Variants in ROR1 observed in about 807,000 individuals in gnomAD.
ROR1 encodes ROR family WNT receptor 1, also known as inactive tyrosine-protein kinase transmembrane receptor ROR1.
Under a neutral mutation model 78.8 loss-of-function variants are expected in ROR1, and 19 were observed. That is an observed-to-expected ratio of 0.24 (90% CI 0.17 to 0.35). The LOEUF (loss-of-function observed/expected upper bound fraction) is 0.35, where lower values mean the gene tolerates loss of function less well. Ranked by LOEUF, ROR1 falls within the 10% of genes least tolerant of loss-of-function variation. ROR1 has a pLI of 1.00. For missense variants in ROR1, 917 were observed against 1,177.8 expected, an observed-to-expected ratio of 0.78 and a Z score of 3.24; for synonymous variants, 386 against 433.6, an observed-to-expected ratio of 0.89 and a Z score of 1.36.
At chr1:63,830,908 C>T (rs950753230) in intron 1 of ROR1, among the ~76,000 whole-genome samples, 4 of 152,210 alleles carry the variant, frequency 2.6e-5, no homozygotes, top group African/African-American at 7.2e-5. Flanking sequence ...TGTTCCCATT[C>T]CGAATAGGAG....
intron 1 of ROR1, among the ~76,000 whole-genome samples, chr1:63,854,899 A>G (rs1645138793): frequency 6.6e-6 from 1 of 152,196 alleles, no homozygotes; most frequent in Non-Finnish European, 1.5e-5. Flanking sequence ...TGTATACTTT[A>G]AATTATCTCT....
intron 8 of ROR1, among the ~76,000 whole-genome samples, chr1:64,165,483 G>A (rs1650060262): frequency 6.6e-6 from 1 of 151,986 alleles, no homozygotes; most frequent in Non-Finnish European, 1.5e-5. Context: ...CGGATGCATA[G>A]TTTGCAAAAT....
At chr1:63,897,393 T>G (rs1645448913) in intron 1 of ROR1, among the ~76,000 whole-genome samples, 5 of 152,140 alleles carry the variant, frequency 3.3e-5, no homozygotes, top group Admixed American at 3.3e-4. Flanking sequence ...CCATGAGACA[T>G]CTCCCTATCT....
intron 1 of ROR1, among the ~76,000 whole-genome samples, chr1:63,790,181 C>T (rs1175466181): frequency 1.3e-5 from 2 of 152,208 alleles, no homozygotes; most frequent in East Asian, 3.8e-4. Flanking sequence ...GGGATCTTCT[C>T]TATCACTGGG....
At chr1:64,153,253 T>TA (rs945443752) in intron 7 of ROR1, among the ~76,000 whole-genome samples, 1 of 152,074 alleles carries the variant, frequency 6.6e-6, no homozygotes, top group Non-Finnish European at 1.5e-5. Flanking sequence ...AATGCACTAT[T>TA]AAAAAAATAG....
chr1:64,009,288 CTTCT>C lies in ROR1; in HGVS notation c.92-14_92-11del. The C allele has an allele frequency of 1.3e-6, 2 of 1,593,016 alleles. No individual in the cohort carries two copies. Among genetic ancestry groups the C allele is most frequent in the Non-Finnish European group, 1.7e-6 (2 of 1,160,894 alleles). Reference sequence around the variant, plus strand: ...TATTGCCCTTGTCTTTCTCCCTTCCCTTCTTTTTCTTTTCAGAAACAGAGCTGTC... The same window carrying C: ...TATTGCCCTTGTCTTTCTCCCTTCCCTTTTCTTTTCAGAAACAGAGCTGTC... On this transcript the variant is annotated splice_polypyrimidine_tract_variant and intron_variant, in intron 1 of 8. Coordinates refer to ENST00000371079, the MANE Select transcript of ROR1 (RefSeq NM_005012.4).
intron 4 of ROR1, among the ~76,000 whole-genome samples, chr1:64,089,278 T>A (rs1237537364): frequency 6.6e-6 from 1 of 152,016 alleles, no homozygotes; most frequent in Non-Finnish European, 1.5e-5. Flanking sequence ...GGCATAATCA[T>A]GGCTCACTGC....
chr1:63,985,822 G>T (rs577889845), intron 1 of ROR1, among the ~76,000 whole-genome samples: 9 of 151,754 alleles, frequency 5.9e-5, no homozygotes, highest in African/African-American at 1.9e-4. Context: ...TTAGATTTAG[G>T]TCCCATCCCT....
chr1:64,124,610 C>T (rs1362779332), intron 4 of ROR1, among the ~76,000 whole-genome samples: 1 of 152,136 alleles, frequency 6.6e-6, no homozygotes, highest in Admixed American at 6.6e-5. Context: ...TTCCAGACCT[C>T]TAGTAGCCCT....
At chr1:64,158,074 G>T (rs938404873) in intron 7 of ROR1, among the ~76,000 whole-genome samples, 5 of 152,120 alleles carry the variant, frequency 3.3e-5, no homozygotes, top group African/African-American at 1.2e-4. Flanking sequence ...ATTCATTAAT[G>T]ACAATATATG....
At chr1:63,917,815 A>G (rs941748142) in intron 1 of ROR1, among the ~76,000 whole-genome samples, 3 of 152,102 alleles carry the variant, frequency 2.0e-5, no homozygotes, top group Non-Finnish European at 4.4e-5. Context: ...GGTGGAGGCA[A>G]ATGTTGTTTT....
At chr1:63,915,184 T>A (rs1345553468) in intron 1 of ROR1, among the ~76,000 whole-genome samples, 1 of 152,206 alleles carries the variant, frequency 6.6e-6, no homozygotes, top group Non-Finnish European at 1.5e-5. Context: ...GTGGCAAAGT[T>A]ACATTAAACC....
chr1:63,868,816 G>A (rs574969890), intron 1 of ROR1, among the ~76,000 whole-genome samples: 28 of 152,282 alleles, frequency 1.8e-4, no homozygotes, highest in Admixed American at 1.6e-3. Context: ...TGGGAACGTC[G>A]TGAAGGAGAA....
chr1:63,986,869 G>T (rs999617819), intron 1 of ROR1, among the ~76,000 whole-genome samples: 3 of 151,568 alleles, frequency 2.0e-5, no homozygotes, highest in African/African-American at 7.3e-5. Context: ...TCCAGCCTGG[G>T]TGACAGAGTG....
At chr1:63,904,799 A>T (rs569289107) in intron 1 of ROR1, among the ~76,000 whole-genome samples, 52 of 152,330 alleles carry the variant, frequency 3.4e-4, no homozygotes, top group Admixed American at 9.1e-4. Context: ...CTGTAAGCCA[A>T]GGAGGGAAGC....
At chr1:63,787,476 T>TCCTTCCTG (rs1164177762) in intron 1 of ROR1, among the ~76,000 whole-genome samples, 48 of 132,552 alleles carry the variant, frequency 3.6e-4, no homozygotes, top group Middle Eastern at 3.9e-3. Context: ...CTTCCTTCCT[T>TCCTTCCTG]CCTTCCTGCC....
At chr1:63,902,483 A>ATT (rs147218027) in intron 1 of ROR1, among the ~76,000 whole-genome samples, 2 of 149,594 alleles carry the variant, frequency 1.3e-5, no homozygotes, top group African/African-American at 4.9e-5. Context: ...ATGCCCAGCT[A>ATT]TTTTTTTTTT....
intron 1 of ROR1, among the ~76,000 whole-genome samples, chr1:63,876,518 G>A (rs538424976): frequency 7.0e-4 from 107 of 152,040 alleles, no homozygotes; most frequent in Admixed American, 2.0e-3. Context: ...TAATTTTTAT[G>A]TCTGTAAGGG....
At chr1:64,070,568 C>A (rs746254206) in intron 4 of ROR1, among the ~76,000 whole-genome samples, 22 of 152,166 alleles carry the variant, frequency 1.4e-4, no homozygotes, top group Non-Finnish European at 2.9e-4. Flanking sequence ...CATCCTCGCA[C>A]CTCAGCCTCC....
Sources: allele counts gnomAD v4.1 joint callset (sites outside exome capture counted in the v4.1 genomes callset), GRCh38; gene constraint gnomAD v4.1.1; transcripts MANE v1.5; gene names NCBI Gene and HGNC (gene_info 2026-07-23, HGNC 2026-07-21).